ART3: variants seen among roughly 807,000 people sequenced by gnomAD.
ART3 encodes the protein ecto-ADP-ribosyltransferase 3.
Under a neutral mutation model 48.5 loss-of-function variants are expected in ART3, and 49 were observed. That is an observed-to-expected ratio of 1.01 (90% CI 0.80 to 1.28). The LOEUF (loss-of-function observed/expected upper bound fraction) is 1.28. ART3 is among the 50% of genes most tolerant of loss of function. ART3 has a pLI of 0.00. For synonymous variants in ART3, 145 were observed against 157.2 expected (o/e 0.92, Z 0.58); for missense variants, 438 against 454.3 (o/e 0.96, Z 0.33).
chr4:76,076,194 C>T (rs1410862124), intron 2 of ART3, among the ~76,000 whole-genome samples: 10 of 151,942 alleles, frequency 6.6e-5, no homozygotes, highest in African/African-American at 4.8e-5. Context: ...TTGGTAGAGA[C>T]GGGTTTTCAC....
intron 1 of ART3, among the ~76,000 whole-genome samples, chr4:76,048,291 G>T (rs1227238888): frequency 1.3e-5 from 2 of 151,832 alleles, no homozygotes; most frequent in Non-Finnish European, 2.9e-5. Flanking sequence ...CAAGCTGCAG[G>T]ATAGTATTAT....
At chr4:76,111,373 A>G (rs890592529) in intron 11 of ART3, among the ~76,000 whole-genome samples, 1 of 152,194 alleles carries the variant, frequency 6.6e-6, no homozygotes, top group Non-Finnish European at 1.5e-5. Context: ...TGCTTGATAT[A>G]TAGATTCAGG....
intron 1 of ART3, among the ~76,000 whole-genome samples, chr4:76,042,252 A>G (rs774135685): frequency 2.2e-4 from 33 of 152,252 alleles, no homozygotes; most frequent in Non-Finnish European, 4.4e-5. Context: ...AATAATTTCC[A>G]ACTCACCATT....
At chr4:76,106,735 C>T (rs4277800) in intron 10 of ART3, among the ~76,000 whole-genome samples, 82,427 of 151,888 alleles carry the variant, frequency 0.54, 24,461 homozygotes, top group African/African-American at 0.79. Flanking sequence ...CAAGAGACTT[C>T]CCCCCCACCT....
chr4:76,066,899 G>A (rs750545758), intron 1 of ART3, among the ~76,000 whole-genome samples: 2 of 152,202 alleles, frequency 1.3e-5, no homozygotes, highest in Non-Finnish European at 2.9e-5. Flanking sequence ...AGCAGTGGGA[G>A]CAGGCACTTT....
intron 1 of ART3, among the ~76,000 whole-genome samples, chr4:76,020,144 A>G (rs976140908): frequency 2.1e-5 from 3 of 141,292 alleles, no homozygotes; most frequent in Non-Finnish European, 4.6e-5. Context: ...TTTTTCTTTT[A>G]GAGATGAGGT....
intron 1 of ART3, chr4:76,034,655 AC>A: frequency 6.8e-6 from 5 of 736,638 alleles, no homozygotes; most frequent in African/African-American, 1.8e-5. Flanking sequence ...ACATAACTGT[AC>A]AAAAGTTGAA....
intron 1 of ART3, chr4:76,022,434 A>C: frequency 6.2e-7 from 1 of 1,613,230 alleles, no homozygotes; most frequent in Non-Finnish European, 8.5e-7. Flanking sequence ...ATCTCTTCTC[A>C]CCCTTCTTTT....
At chr4:76,075,754 A>G (rs1720897967) in intron 1 of ART3, 127 bp from the exon 2 acceptor site, 1 of 665,048 alleles carries the variant, frequency 1.5e-6, no homozygotes, top group Admixed American at 2.9e-5. Context: ...TTTATTGATA[A>G]TCACTTCCTG....
chr4:76,040,738 C>A (rs1050127051), intron 1 of ART3, among the ~76,000 whole-genome samples: 1 of 152,152 alleles, frequency 6.6e-6, no homozygotes, highest in Non-Finnish European at 1.5e-5. Context: ...AGAGCTAAAT[C>A]ACAGTTTGAA....
At chr4:76,032,218 A>AT (rs35489296) in intron 1 of ART3, among the ~76,000 whole-genome samples, 88,846 of 146,066 alleles carry the variant, frequency 0.61, 27,775 homozygotes, top group East Asian at 0.93. Flanking sequence ...AACTCTGTGA[A>AT]TTTTTTTTTT....
chr4:76,079,199 G>A (rs1721881865), intron 2 of ART3, among the ~76,000 whole-genome samples: 1 of 131,746 alleles, frequency 7.6e-6, no homozygotes, highest in African/African-American at 3.1e-5. Flanking sequence ...AAAAAAGGCG[G>A]GGGGCTAATA....
chr4:76,071,386 C>A (rs1269794950), upstream of ART3, among the ~76,000 whole-genome samples: 2 of 151,292 alleles, frequency 1.3e-5, no homozygotes, highest in Non-Finnish European at 2.9e-5. Context: ...AAAAAAAATT[C>A]TTGGACTCTC....
intron 8 of ART3, among the ~76,000 whole-genome samples, chr4:76,102,010 C>A (rs1269417786): frequency 6.6e-6 from 1 of 152,064 alleles, no homozygotes; most frequent in African/African-American, 2.4e-5. Flanking sequence ...GACAAAATTA[C>A]AACAAATTTA....
chr4:76,089,392 C>A (rs559413994), intron 3 of ART3, among the ~76,000 whole-genome samples: 100 of 151,430 alleles, frequency 6.6e-4, no homozygotes, highest in African/African-American at 2.4e-3. Flanking sequence ...TATTTAGCAC[C>A]GTCCCCTTTG....
At chr4:76,098,875 A>C in intron 4 of ART3, 80 bp from the exon 5 acceptor site, 1 of 1,194,470 alleles carries the variant, frequency 8.4e-7, no homozygotes, top group Non-Finnish European at 1.2e-6. Context: ...TTTATTTTTA[A>C]TGAACATTTA....
At chr4:76,033,733 T>G (rs1050969375) in intron 1 of ART3, 1 of 152,212 alleles carries the variant, frequency 6.6e-6, no homozygotes, top group Non-Finnish European at 1.5e-5. Context: ...AAAATGACTT[T>G]GATTCTTTAA....
At chr4:76,035,082 T>A in intron 1 of ART3, 1 of 1,614,004 alleles carries the variant, frequency 6.2e-7, no homozygotes, top group Non-Finnish European at 8.5e-7. Context: ...GATTTGGGAT[T>A]TAGGCATCGT....
chr4:76,109,577 A>G (rs1035429611), intron 11 of ART3, among the ~76,000 whole-genome samples: 3 of 152,234 alleles, frequency 2.0e-5, no homozygotes, highest in Admixed American at 6.5e-5. Flanking sequence ...TATGTATTAT[A>G]TATAATTGTA....
Sources: gnomAD v4.1 joint callset for allele counts (sites outside exome capture counted in the v4.1 genomes callset) on GRCh38, gnomAD v4.1.1 for gene constraint, MANE v1.5 for transcripts, NCBI Gene and HGNC (gene_info 2026-07-23, HGNC 2026-07-21) for gene names.